The following TAFA4 variants were observed in gnomAD, a reference collection of about 807,000 sequenced individuals.
TAFA4 encodes chemokine-like protein TAFA-4.
TAFA4 carries 20 observed loss-of-function variants against 21.1 expected under a neutral mutation model. The ratio of observed to expected loss-of-function variants is 0.95; its 90% confidence interval spans 0.67 to 1.38. TAFA4 has a LOEUF of 1.38. Among genes scored for constraint, TAFA4 ranks in the 40% most tolerant of loss-of-function variants. TAFA4 has a pLI of 0.00. For synonymous variants in TAFA4, 71 were observed against 67.4 expected (o/e 1.05, Z -0.26); for missense variants, 211 against 180.9 (o/e 1.17, Z -0.95).
At chr3:68,829,230 T>G (rs1704321637) in intron 3 of TAFA4, among the ~76,000 whole-genome samples, 1 of 152,112 alleles carries the variant, frequency 6.6e-6, no homozygotes, top group Non-Finnish European at 1.5e-5. Flanking sequence ...GACAGAGGCC[T>G]CAGAAATAAC....
chr3:68,789,327 C>A (rs373649578), intron 3 of TAFA4, among the ~76,000 whole-genome samples: 2 of 151,746 alleles, frequency 1.3e-5, no homozygotes, highest in African/African-American at 4.8e-5. Context: ...TCTGGGCTTT[C>A]TAGTCTGCTG....
At chr3:68,778,090 G>A (rs1703081542) in intron 3 of TAFA4, among the ~76,000 whole-genome samples, 1 of 152,074 alleles carries the variant, frequency 6.6e-6, no homozygotes, top group Middle Eastern at 3.2e-3. Flanking sequence ...ACACTAATTA[G>A]AAAGGCAGAG....
intron 3 of TAFA4, among the ~76,000 whole-genome samples, chr3:68,754,602 G>A (rs1435567702): frequency 6.6e-6 from 1 of 152,076 alleles, no homozygotes; most frequent in Non-Finnish European, 1.5e-5. Context: ...GGTTAGGATG[G>A]TATCTGTCAG....
intron 4 of TAFA4, among the ~76,000 whole-genome samples, chr3:68,746,871 T>C (rs542442494): frequency 1.9e-4 from 29 of 152,368 alleles, no homozygotes; most frequent in African/African-American, 7.0e-4. Context: ...TCAACCTCAG[T>C]GTCATTGACA....
At chr3:68,766,824 AAAAAG>A (rs1221630290) in intron 3 of TAFA4, among the ~76,000 whole-genome samples, 3 of 152,294 alleles carry the variant, frequency 2.0e-5, no homozygotes, top group Non-Finnish European at 2.9e-5. Flanking sequence ...TTGGGATAAC[AAAAAG>A]AAAATTGTGA....
chr3:68,768,312 C>A (rs11920811), intron 3 of TAFA4, among the ~76,000 whole-genome samples: 13,228 of 152,106 alleles, frequency 0.087, 704 homozygotes, highest in African/African-American at 0.14. Context: ...ATAGACATTT[C>A]TCAAAAGATG....
chr3:68,770,076 G>A (rs896055809), intron 3 of TAFA4, among the ~76,000 whole-genome samples: 1 of 151,978 alleles, frequency 6.6e-6, no homozygotes, highest in Non-Finnish European at 1.5e-5. Flanking sequence ...AGCCAGTCAG[G>A]AAATCAGATC....
At chr3:68,806,885 C>G (rs912158638) in intron 3 of TAFA4, among the ~76,000 whole-genome samples, 1 of 152,152 alleles carries the variant, frequency 6.6e-6, no homozygotes, top group Non-Finnish European at 1.5e-5. Flanking sequence ...GAATTTCTGT[C>G]AAGCCACTCG....
At chr3:68,774,034 C>T (rs2106786762) in intron 3 of TAFA4, among the ~76,000 whole-genome samples, 1 of 152,216 alleles carries the variant, frequency 6.6e-6, no homozygotes, top group South Asian at 2.1e-4. Context: ...CCTTCTTCAT[C>T]CAGGAGATGA....
chr3:68,799,378 A>G (rs1703523617), intron 3 of TAFA4, among the ~76,000 whole-genome samples: 1 of 151,982 alleles, frequency 6.6e-6, no homozygotes, highest in African/African-American at 2.4e-5. Context: ...TCATAAGGGT[A>G]CTCATCCCAC....
intron 3 of TAFA4, among the ~76,000 whole-genome samples, chr3:68,805,086 T>A (rs1453341693): frequency 6.6e-6 from 1 of 151,888 alleles, no homozygotes; most frequent in Non-Finnish European, 1.5e-5. Context: ...GAATCTACAA[T>A]GAACTCAAAC....
chr3:68,838,475 G>A (rs1025126802), intron 3 of TAFA4, among the ~76,000 whole-genome samples: 1 of 152,178 alleles, frequency 6.6e-6, no homozygotes, highest in Non-Finnish European at 1.5e-5. Context: ...ACAAAATTGA[G>A]TGGCCCAAGC....
chr3:68,804,145 T>C (rs1174839809), intron 3 of TAFA4, among the ~76,000 whole-genome samples: 1 of 152,070 alleles, frequency 6.6e-6, no homozygotes, highest in African/African-American at 2.4e-5. Flanking sequence ...AACCCACTGC[T>C]CCACGAAACA....
At chr3:68,741,350 T>C (rs1702348083) in intron 4 of TAFA4, among the ~76,000 whole-genome samples, 1 of 152,188 alleles carries the variant, frequency 6.6e-6, no homozygotes, top group African/African-American at 2.4e-5. Flanking sequence ...TTAAATTGAT[T>C]CTTAAGTGTT....
intron 1 of TAFA4, among the ~76,000 whole-genome samples, chr3:68,903,863 C>T (rs1300892423): frequency 1.3e-5 from 2 of 152,114 alleles, no homozygotes; most frequent in African/African-American, 2.4e-5. Flanking sequence ...TCAGAGGTGA[C>T]AAAACTATAC....
At chr3:68,838,051 G>C (rs1436001965) in intron 3 of TAFA4, among the ~76,000 whole-genome samples, 1 of 152,014 alleles carries the variant, frequency 6.6e-6, no homozygotes, top group Admixed American at 6.6e-5. Flanking sequence ...CAATTTTCAA[G>C]TATACAATAT....
At chr3:68,782,676 G>A (rs536784339) in intron 3 of TAFA4, among the ~76,000 whole-genome samples, 1 of 152,260 alleles carries the variant, frequency 6.6e-6, no homozygotes, top group East Asian at 1.9e-4. Context: ...CCATTTATAT[G>A]AAATGACCAA....
intron 1 of TAFA4, among the ~76,000 whole-genome samples, chr3:68,889,525 G>A (rs547226282): frequency 6.6e-6 from 1 of 152,188 alleles, no homozygotes; most frequent in South Asian, 2.1e-4. Flanking sequence ...ACTTGTAGAT[G>A]AGCACCTTCA....
At chr3:68,738,547 T>C (rs1702285754) in intron 5 of TAFA4, among the ~76,000 whole-genome samples, 1 of 152,144 alleles carries the variant, frequency 6.6e-6, no homozygotes, top group African/African-American at 2.4e-5. Flanking sequence ...CTAAGGACAA[T>C]GTAACCAACT....
Sources: gnomAD v4.1 joint callset for allele counts (sites outside exome capture counted in the v4.1 genomes callset) on GRCh38, gnomAD v4.1.1 for gene constraint, MANE v1.5 for transcripts, NCBI Gene and HGNC (gene_info 2026-07-23, HGNC 2026-07-21) for gene names.